The following PDE4D variants were observed in gnomAD, a reference collection of about 807,000 sequenced individuals.
PDE4D encodes 3',5'-cyclic-AMP phosphodiesterase 4D.
PDE4D carries 24 observed loss-of-function variants against 87.4 expected under a neutral mutation model. That is an observed-to-expected ratio of 0.27 (90% confidence interval 0.20 to 0.39). The LOEUF (loss-of-function observed/expected upper bound fraction) is 0.39. Ranked by LOEUF, PDE4D falls within the 10% of genes least tolerant of loss-of-function variation. The pLI, the probability that PDE4D is intolerant of heterozygous loss-of-function variation, is 1.00. For synonymous variants in PDE4D, 384 were observed against 383.2 expected, an observed-to-expected ratio of 1.00 and a Z score of -0.02; for missense variants, 714 against 1,041.0, an observed-to-expected ratio of 0.69 and a Z score of 4.32.
At chr5:59,588,578 T>C (rs1825520922) in intron 1 of PDE4D, among the ~76,000 whole-genome samples, 1 of 152,178 alleles carries the variant, frequency 6.6e-6, no homozygotes, top group African/African-American at 2.4e-5. Context: ...TTACCCAAGA[T>C]TGGGTGGAGG....
chr5:59,742,715 C>T (rs1345440185), intron 1 of PDE4D, among the ~76,000 whole-genome samples: 1 of 152,108 alleles, frequency 6.6e-6, no homozygotes, highest in Non-Finnish European at 1.5e-5. Flanking sequence ...ACAGTCATTG[C>T]TATTCCTTAT....
At chr5:59,776,956 T>A (rs996970784) in intron 1 of PDE4D, among the ~76,000 whole-genome samples, 19 of 152,166 alleles carry the variant, frequency 1.2e-4, no homozygotes, top group Admixed American at 1.2e-3. Flanking sequence ...CTCCGTCTTT[T>A]AATATGTTAA....
intron 1 of PDE4D, among the ~76,000 whole-genome samples, chr5:59,835,284 T>G (rs1741847323): frequency 6.6e-6 from 1 of 152,046 alleles, no homozygotes; most frequent in South Asian, 2.1e-4. Context: ...AGCCTTTCCC[T>G]CCAGGTAGAC....
chr5:59,116,452 C>T (rs1053369503), intron 5 of PDE4D, among the ~76,000 whole-genome samples: 2 of 152,102 alleles, frequency 1.3e-5, no homozygotes, highest in African/African-American at 4.8e-5. Flanking sequence ...CATGTGCAAA[C>T]GTGATCAATG....
intron 5 of PDE4D, among the ~76,000 whole-genome samples, chr5:59,050,073 G>C (rs1387184631): frequency 6.6e-6 from 1 of 152,114 alleles, no homozygotes; most frequent in Admixed American, 6.5e-5. Context: ...AGACCAGCCT[G>C]GCCAACATGA....
chr5:59,039,101 C>G (rs1204294741), intron 5 of PDE4D, 130 bp from the exon 6 acceptor site: 3 of 1,435,484 alleles, frequency 2.1e-6, no homozygotes, highest in South Asian at 2.9e-5. Context: ...GAGGGCTGCT[C>G]CTTCATATTG....
At chr5:60,033,327 G>A (rs1423082068) in intron 2 of PDE4D, among the ~76,000 whole-genome samples, 1 of 152,008 alleles carries the variant, frequency 6.6e-6, no homozygotes, top group Non-Finnish European at 1.5e-5. Context: ...AAATGATCAT[G>A]GTGTGAAGTT....
intron 1 of PDE4D, among the ~76,000 whole-genome samples, chr5:59,471,248 A>C (rs1802395882): frequency 6.6e-6 from 1 of 152,200 alleles, no homozygotes. Flanking sequence ...CTGTCTCAAA[A>C]AGAAAAAGAA....
intron 1 of PDE4D, among the ~76,000 whole-genome samples, chr5:59,221,361 G>A (rs1400062193): frequency 1.3e-5 from 2 of 152,188 alleles, no homozygotes; most frequent in Non-Finnish European, 2.9e-5. Flanking sequence ...GCTGGGTGTG[G>A]TGGCTCATGC....
intron 1 of PDE4D, among the ~76,000 whole-genome samples, chr5:59,301,567 G>A (rs1360215955): frequency 6.6e-6 from 1 of 152,068 alleles, no homozygotes; most frequent in African/African-American, 2.4e-5. Flanking sequence ...AAAGAAGTGC[G>A]CTGTGAAATG....
At chr5:59,464,769 G>C (rs1355806639) in intron 1 of PDE4D, among the ~76,000 whole-genome samples, 4 of 150,622 alleles carry the variant, frequency 2.7e-5, no homozygotes, top group Non-Finnish European at 5.9e-5. Context: ...GGTCATGCAG[G>C]AATCATATGT....
At chr5:59,595,237 T>A (rs1583253639) in intron 1 of PDE4D, among the ~76,000 whole-genome samples, 2 of 152,324 alleles carry the variant, frequency 1.3e-5, no homozygotes, top group Admixed American at 1.3e-4. Context: ...ATTTTGACAA[T>A]CTATTTATAA....
chr5:60,048,924 T>C (rs1321847846), intron 2 of PDE4D, among the ~76,000 whole-genome samples: 1 of 152,212 alleles, frequency 6.6e-6, no homozygotes, highest in African/African-American at 2.4e-5. Context: ...CCTTGCTACA[T>C]TGGGGAAGTT....
chr5:60,191,960 A>G (rs1394742495), intron 1 of PDE4D, among the ~76,000 whole-genome samples: 2 of 152,176 alleles, frequency 1.3e-5, no homozygotes, highest in Non-Finnish European at 2.9e-5. Flanking sequence ...AGATTGCACC[A>G]TTGCACTCCA....
intron 1 of PDE4D, among the ~76,000 whole-genome samples, chr5:60,390,992 T>C (rs777081330): frequency 1.3e-5 from 2 of 152,146 alleles, no homozygotes; most frequent in African/African-American, 2.4e-5. Flanking sequence ...CACATGCATA[T>C]TCACACACAC....
chr5:58,976,814 T>C (rs898350595), intron 12 of PDE4D, among the ~76,000 whole-genome samples: 1 of 152,128 alleles, frequency 6.6e-6, no homozygotes, highest in Non-Finnish European at 1.5e-5. Context: ...ATAAGATGCA[T>C]AGAAAAAAGA....
At chr5:60,418,492 T>C (rs1012650103) in intron 1 of PDE4D, among the ~76,000 whole-genome samples, 2 of 150,098 alleles carry the variant, frequency 1.3e-5, no homozygotes, top group Non-Finnish European at 3.0e-5. Context: ...GCTTATCTTA[T>C]TTGTTTTTTT....
At chr5:60,194,732 T>TA (rs1741004579) in intron 1 of PDE4D, among the ~76,000 whole-genome samples, 1 of 151,684 alleles carries the variant, frequency 6.6e-6, no homozygotes, top group Admixed American at 6.6e-5. Context: ...ACCCGCCACA[T>TA]ACATATCTCA....
chr5:59,441,182 C>A (rs60509830), intron 1 of PDE4D, among the ~76,000 whole-genome samples: 40,909 of 151,186 alleles, frequency 0.27, 9,098 homozygotes, highest in African/African-American at 0.62. Context: ...GCAGCCTCCA[C>A]AGCCTGGGCT....
Sources: gnomAD v4.1 joint callset for allele counts (sites outside exome capture counted in the v4.1 genomes callset) on GRCh38, gnomAD v4.1.1 for gene constraint, MANE v1.5 for transcripts, NCBI Gene and HGNC (gene_info 2026-07-23, HGNC 2026-07-21) for gene names.